BRINP1: variants seen among roughly 807,000 people sequenced by gnomAD.
BRINP1 encodes BMP/retinoic acid inducible neural specific 1.
BRINP1 carries 17 observed loss-of-function variants against 72.9 expected under a neutral mutation model. That is an observed-to-expected ratio of 0.23 (90% CI 0.16 to 0.35). BRINP1 has a LOEUF of 0.35. Ranked by LOEUF, BRINP1 falls within the 10% of genes least tolerant of loss-of-function variation. BRINP1 has a pLI of 1.00. For synonymous variants in BRINP1, 418 were observed against 378.5 expected (o/e 1.10, Z -1.21); for missense variants, 850 against 1,001.6 (o/e 0.85, Z 2.04).
rs1831720108 is a variant in BRINP1, at chr9:119,368,578, G to A, written c.-51+478C>T. 6.6e-6 allele frequency among the ~76,000 whole-genome samples: 1 copy of A among 152,064 alleles called. No homozygotes were observed. The highest frequency in any genetic ancestry group is 1.5e-5 in the Non-Finnish European group (1 of 68,024). On this transcript the variant is annotated intron_variant, in intron 1 of 7. Coordinates refer to ENST00000265922, the MANE Select transcript of BRINP1 (RefSeq NM_014618.3). This position sits in a 1 kb window ranked among gnomAD's most constrained non-coding sequence, Gnocchi z 4.7. ...TCCTATAGTAAGGGTCCCATTCCGT[G>A]TAAGCTGGAGAGACCTAATTAAAAA... is the stretch of plus-strand genomic sequence containing the variant.
chr9:119,355,505 A>G (rs545251058), intron 1 of BRINP1, among the ~76,000 whole-genome samples: 75 of 152,100 alleles, frequency 4.9e-4, no homozygotes, highest in African/African-American at 8.0e-4. Context: ...AAGGTGGGCG[A>G]ATCACAAGGT....
chr9:119,254,656 A>G (rs1052756110), intron 2 of BRINP1, among the ~76,000 whole-genome samples: 1 of 152,212 alleles, frequency 6.6e-6, no homozygotes, highest in Non-Finnish European at 1.5e-5. Context: ...TGTTGAGTCT[A>G]CCTAATCTGA....
chr9:119,197,253 A>C (rs1288516692), intron 7 of BRINP1, among the ~76,000 whole-genome samples: 1 of 152,200 alleles, frequency 6.6e-6, no homozygotes, highest in Non-Finnish European at 1.5e-5. Context: ...AGGATGAATA[A>C]AGTAATCCGG....
Position 119,167,876 on chromosome 9 carries a change from G to A in BRINP1, c.1494C>T (p.Arg498=), listed in dbSNP as rs1420089147. The change falls in exon 8 of 8, where the codon CGC becomes CGT. Residue 498 remains arginine, a synonymous_variant. Coordinates refer to ENST00000265922, the MANE Select transcript of BRINP1 (RefSeq NM_014618.3). The surrounding 1 kb of genome is among the most constrained non-coding windows in gnomAD (Gnocchi z 4.3). ...LKYLLQKMDS[R]LYVHTTFISN... Reference sequence around the variant, plus strand: ...TGATGAAGGTGGTGTGGACGTAGAGGCGTGAGTCCATCTTCTGCAGCAGGT... The same window carrying A: ...TGATGAAGGTGGTGTGGACGTAGAGACGTGAGTCCATCTTCTGCAGCAGGT... The A allele has an allele frequency of 1.2e-6, 2 of 1,614,100 alleles. No homozygotes were observed. The highest frequency in any genetic ancestry group is 1.3e-5 in the African/African-American group (1 of 74,938).
intron 2 of BRINP1, among the ~76,000 whole-genome samples, chr9:119,294,853 T>TAAAAAAAAAAAAAAAAA (rs59715609): frequency 7.8e-6 from 1 of 128,034 alleles, no homozygotes. Flanking sequence ...GACACTACGT[T>TAAAAAAAAAAAAAAAAA]AAAAAAAAAA....
intron 2 of BRINP1, among the ~76,000 whole-genome samples, chr9:119,309,288 T>G (rs556753014): frequency 6.6e-5 from 10 of 152,312 alleles, no homozygotes; most frequent in African/African-American, 2.4e-4. Flanking sequence ...AGGAAGCCTG[T>G]TAGCATTTGG....
At chr9:119,232,725 T>C (rs1830159519) in intron 5 of BRINP1, among the ~76,000 whole-genome samples, 3 of 152,058 alleles carry the variant, frequency 2.0e-5, no homozygotes, top group African/African-American at 4.8e-5. Flanking sequence ...TTCTGTATCA[T>C]CCACAGATTT....
chr9:119,271,049 T>G (rs1830600706), intron 2 of BRINP1, among the ~76,000 whole-genome samples: 1 of 151,972 alleles, frequency 6.6e-6, no homozygotes, highest in Non-Finnish European at 1.5e-5. Flanking sequence ...GAAATGGGAG[T>G]ACACAGTTGT....
chr9:119,234,206 G>A (rs538750669), intron 5 of BRINP1, among the ~76,000 whole-genome samples: 22 of 152,242 alleles, frequency 1.4e-4, no homozygotes, highest in African/African-American at 5.1e-4. Context: ...AGAATTTTCC[G>A]AAGTGATTGT....
At chr9:119,271,219 A>G (rs1211435794) in intron 2 of BRINP1, among the ~76,000 whole-genome samples, 1 of 152,118 alleles carries the variant, frequency 6.6e-6, no homozygotes, top group Non-Finnish European at 1.5e-5. Flanking sequence ...GAGGTATAAG[A>G]ACAATTCAGA....
intron 2 of BRINP1, among the ~76,000 whole-genome samples, chr9:119,290,406 C>A (rs1478651279): frequency 6.6e-6 from 1 of 152,138 alleles, no homozygotes; most frequent in East Asian, 1.9e-4. Context: ...CAAGAAAAAT[C>A]ATGAAGAATA....
chr9:119,233,321 A>T (rs1830164247), intron 5 of BRINP1, among the ~76,000 whole-genome samples: 1 of 152,186 alleles, frequency 6.6e-6, no homozygotes, highest in Non-Finnish European at 1.5e-5. Flanking sequence ...AATGTTATTT[A>T]TGCCTTCTTC....
At chr9:119,242,313 A>C in intron 3 of BRINP1, 97 bp from the exon 4 acceptor site, 4 of 977,776 alleles carry the variant, frequency 4.1e-6, no homozygotes, top group Non-Finnish European at 3.0e-6. Context: ...TTAAATCTCC[A>C]ACCAATGTGG....
intron 7 of BRINP1, among the ~76,000 whole-genome samples, chr9:119,176,281 A>AGATGGT (rs935997172): frequency 6.6e-5 from 10 of 152,138 alleles, no homozygotes; most frequent in African/African-American, 1.2e-4. Flanking sequence ...CGTGCTGTGG[A>AGATGGT]GATGGTGATG....
chr9:119,215,569 C>T (rs1370924351), intron 5 of BRINP1, among the ~76,000 whole-genome samples: 6 of 152,220 alleles, frequency 3.9e-5, no homozygotes, highest in African/African-American at 9.6e-5. Flanking sequence ...TAATCCAACT[C>T]ATCAGGGATT....
At chr9:119,288,920 C>G (rs1432157883) in intron 2 of BRINP1, among the ~76,000 whole-genome samples, 2 of 152,332 alleles carry the variant, frequency 1.3e-5, no homozygotes, top group East Asian at 3.9e-4. Context: ...CCTGCCTCAG[C>G]CTCCCAAGTA....
intron 2 of BRINP1, among the ~76,000 whole-genome samples, chr9:119,250,787 C>T (rs545998170): frequency 7.2e-5 from 11 of 152,294 alleles, no homozygotes; most frequent in African/African-American, 2.6e-4. Context: ...GCTCTCCGAC[C>T]TGCCTGAGTT....
chr9:119,202,815 T>C (rs189464323), intron 7 of BRINP1, among the ~76,000 whole-genome samples: 3 of 152,306 alleles, frequency 2.0e-5, no homozygotes, highest in Admixed American at 2.0e-4. Context: ...AATTATCTTG[T>C]TGCTGTCCTC....
intron 2 of BRINP1, among the ~76,000 whole-genome samples, chr9:119,263,601 C>CTTTTTTTTTTTTTTTTT (rs386416080): frequency 2.5e-5 from 2 of 78,560 alleles, no homozygotes; most frequent in Non-Finnish European, 2.2e-5. Context: ...GTAAACAATT[C>CTTTTTTTTTTTTTTTTT]TTTTTTTTTT....
Sources: allele counts gnomAD v4.1 joint callset (sites outside exome capture counted in the v4.1 genomes callset), GRCh38; gene constraint gnomAD v4.1.1; non-coding constraint Gnocchi (gnomAD v3.1); transcripts MANE v1.5; gene names NCBI Gene and HGNC (gene_info 2026-07-23, HGNC 2026-07-21).